The following SLC25A36 variants were observed in gnomAD, a reference collection of about 807,000 sequenced individuals.
SLC25A36 encodes the protein epididymis secretory sperm binding protein.
In SLC25A36, 24 loss-of-function variants were observed where a neutral mutation model predicts 35.3. The ratio of observed to expected loss-of-function variants is 0.68; its 90% CI spans 0.49 to 0.96. SLC25A36 has a LOEUF of 0.96. Among genes scored for constraint, SLC25A36 ranks in the 40% least tolerant of loss-of-function variants. The pLI is 0.00. For missense variants in SLC25A36, 294 were observed against 381.1 expected (o/e 0.77, Z 1.90); for synonymous variants, 141 against 132.2 (o/e 1.07, Z -0.46).
intron 1 of SLC25A36, among the ~76,000 whole-genome samples, chr3:140,947,823 A>G (rs1394896736): frequency 6.6e-6 from 1 of 152,238 alleles, no homozygotes; most frequent in African/African-American, 2.4e-5. Context: ...AAAAACTTGT[A>G]TTGCTTCTTG....
chr3:140,960,052 T>C (rs1267800461), intron 3 of SLC25A36, among the ~76,000 whole-genome samples: 1 of 152,158 alleles, frequency 6.6e-6, no homozygotes, highest in Non-Finnish European at 1.5e-5. Flanking sequence ...TATATATCTT[T>C]ATATTGCATA....
chr3:140,967,945 G>T, intron 4 of SLC25A36: 2 of 982,626 alleles, frequency 2.0e-6, no homozygotes, highest in Non-Finnish European at 2.4e-6. Context: ...GGCAAATTAT[G>T]AAAATGTCAC....
At chr3:140,974,162 A>AT (rs1206133109) in intron 6 of SLC25A36, among the ~76,000 whole-genome samples, 157 bp downstream of exon 6, 2 of 152,212 alleles carry the variant, frequency 1.3e-5, no homozygotes, top group Non-Finnish European at 2.9e-5. Context: ...TGTAGGCTGT[A>AT]TTAATAGGTC....
rs1043852421 is a variant in SLC25A36, at chr3:140,979,506, A to T, written c.*3053A>T. 6.6e-6 allele frequency: 1 copy of T among 152,108 alleles called. No homozygotes were observed. The highest frequency in any genetic ancestry group is 2.4e-5 in the African/African-American group (1 of 41,422). 9.4% of individuals were successfully genotyped at this position (152,108 alleles called of 1,614,324 possible). On this transcript the variant is annotated 3_prime_UTR_variant, in exon 7 of 7. Coordinates refer to ENST00000324194, the MANE Select transcript of SLC25A36 (RefSeq NM_001104647.3). ...TTCAGCCTTTTCTCCTCAAATATAT[A>T]ATGACTTTAACATTCCTAAGAATAT...
chr3:140,972,298 A>G (rs1323750278), intron 5 of SLC25A36, among the ~76,000 whole-genome samples: 1 of 152,138 alleles, frequency 6.6e-6, no homozygotes, highest in East Asian at 1.9e-4. Context: ...CACAATTCTT[A>G]GGCTTGTGGG....
intron 6 of SLC25A36, among the ~76,000 whole-genome samples, chr3:140,975,487 G>C (rs1935019015): frequency 6.6e-6 from 1 of 152,080 alleles, no homozygotes; most frequent in East Asian, 1.9e-4. Context: ...AATTGCTGTG[G>C]GTTGCTTTAG....
chr3:140,957,732 C>G (rs1934513348), intron 2 of SLC25A36, among the ~76,000 whole-genome samples: 1 of 152,050 alleles, frequency 6.6e-6, no homozygotes, highest in South Asian at 2.1e-4. Context: ...TACAGTGAGA[C>G]TCTGTCTCAG....
rs1056690982 is a variant in SLC25A36 at position 140,979,587 on chromosome 3, C to G, written c.*3134C>G. The G allele has an allele frequency of 1.3e-5, 2 of 152,160 alleles. No homozygotes were observed. The highest frequency in any genetic ancestry group is 4.8e-5 in the African/African-American group (2 of 41,450). The allele number at this position is 152,160 out of a possible 1,614,324, so 9.4% of individuals were successfully genotyped here. On this transcript the variant is annotated 3_prime_UTR_variant, in exon 7 of 7. Coordinates refer to ENST00000324194, the MANE Select transcript of SLC25A36 (RefSeq NM_001104647.3). ...ATTTTAATACATAAAATACAATGTA[C>G]AAACTTTCTGCCCACTCAGATCTCT...
At position 140,942,022 on chromosome 3, in the gene SLC25A36, G is replaced by A. The variant is rs1214787764; in HGVS notation, c.-33G>A. ...TAGCGGGCGGCCAGATCCGCGTCCC[G>A]CCTCAGCGGCCGGAGGACATGCGGG... On this transcript the variant is annotated 5_prime_UTR_variant, in exon 1 of 7. Transcript: ENST00000324194. 4 of 1,334,720 alleles carry A rather than the reference G, an allele frequency of 3.0e-6. No homozygotes were observed. Among genetic ancestry groups the A allele is most frequent in the Non-Finnish European group, 4.2e-6 (4 of 961,878 alleles). 82.7% of individuals were successfully genotyped at this position (1,334,720 alleles called of 1,614,324 possible).
rs962682314 is a variant in SLC25A36, at chr3:140,963,376, G to A, written c.385+149G>A. On this transcript the variant is annotated intron_variant, in intron 4 of 6. Coordinates refer to ENST00000324194, the MANE Select transcript of SLC25A36 (RefSeq NM_001104647.3). ...CGTTTATCGATATAAACCAAATTAG[G>A]TATATGTAAAATCTGTCATCAGTTG... 3 of 556,234 alleles carry A rather than the reference G, an allele frequency of 5.4e-6. No homozygotes were observed. In the Admixed American group the frequency reaches 1.1e-4, roughly 21 times the overall value. 34.5% of individuals were successfully genotyped at this position (556,234 alleles called of 1,614,324 possible).
intron 4 of SLC25A36, chr3:140,963,545 G>A (rs925337476): frequency 1.2e-5 from 2 of 170,638 alleles, no homozygotes; most frequent in African/African-American, 2.4e-5. Flanking sequence ...TTATGGAGCT[G>A]TAATTTACTC....
chr3:140,959,119 G>T (rs373954473), intron 2 of SLC25A36, among the ~76,000 whole-genome samples: 1 of 150,546 alleles, frequency 6.6e-6, no homozygotes, highest in Non-Finnish European at 1.5e-5. Flanking sequence ...AAATTCAAGC[G>T]ATTCTCCTAC....
chr3:140,944,909 ACT>A (rs1422141582), intron 1 of SLC25A36, among the ~76,000 whole-genome samples: 1 of 152,212 alleles, frequency 6.6e-6, no homozygotes, highest in Admixed American at 6.5e-5. Flanking sequence ...GAAGTAGAAT[ACT>A]TAAAAGTATA....
intron 1 of SLC25A36, among the ~76,000 whole-genome samples, chr3:140,948,247 G>C (rs573238493): frequency 6.6e-6 from 1 of 152,142 alleles, no homozygotes; most frequent in East Asian, 1.9e-4. Flanking sequence ...GAGCTACCAC[G>C]CCCAGCCCAG....
chr3:140,978,215 T>C lies in SLC25A36; in HGVS notation c.*1762T>C, dbSNP rs1935100752. ...AGGTGCTCAATTGGAATAAAAATATTCCAATCTATTTGGAGACCAAAGGCA... is the reference window on the plus strand; with the variant it reads ...AGGTGCTCAATTGGAATAAAAATATCCCAATCTATTTGGAGACCAAAGGCA... On this transcript the variant is annotated 3_prime_UTR_variant, in exon 7 of 7. Coordinates refer to ENST00000324194, the MANE Select transcript of SLC25A36 (RefSeq NM_001104647.3). 6.6e-6 allele frequency: 1 copy of C among 152,174 alleles called. No homozygotes were observed. The highest frequency in any genetic ancestry group is 1.9e-4 in the East Asian group (1 of 5,184). The allele number at this position is 152,174 out of a possible 1,614,324, so 9.4% of individuals were successfully genotyped here. A position where few individuals can be genotyped will look rare whatever the true frequency, so the allele number is the denominator to read the frequency against.
intron 6 of SLC25A36, among the ~76,000 whole-genome samples, chr3:140,974,578 C>A (rs1022961583): frequency 3.3e-5 from 5 of 151,958 alleles, no homozygotes; most frequent in Non-Finnish European, 7.4e-5. Flanking sequence ...CCTTTTATTT[C>A]TGTATTTAAA....
chr3:140,951,117 C>G (rs1023380516), intron 1 of SLC25A36, among the ~76,000 whole-genome samples: 1 of 152,130 alleles, frequency 6.6e-6, no homozygotes. Context: ...CCTCTGCAAG[C>G]CTTTCTTCCT....
chr3:140,980,293 C>T lies in SLC25A36; in HGVS notation c.*3840C>T, dbSNP rs1935152537. On this transcript the variant is annotated 3_prime_UTR_variant, in exon 7 of 7. Coordinates refer to ENST00000324194, the MANE Select transcript of SLC25A36 (RefSeq NM_001104647.3). ...ACTTGTTAGAATAACCAAATGAATCCACATAATGTTAGATCAAAATACAAA... is the reference window on the plus strand; with the variant it reads ...ACTTGTTAGAATAACCAAATGAATCTACATAATGTTAGATCAAAATACAAA... 6.6e-6 allele frequency among the ~76,000 whole-genome samples: 1 copy of T among 152,102 alleles called. No individual in the cohort carries two copies. The highest frequency in any genetic ancestry group is 2.1e-4 in the South Asian group (1 of 4,828).
intron 1 of SLC25A36, among the ~76,000 whole-genome samples, chr3:140,953,780 G>T (rs1934400904): frequency 1.3e-5 from 2 of 152,040 alleles, no homozygotes; most frequent in Non-Finnish European, 2.9e-5. Flanking sequence ...AACATAGCAA[G>T]ACCCTGTCTC....
Sources: gnomAD v4.1 joint callset for allele counts (sites outside exome capture counted in the v4.1 genomes callset) on GRCh38, gnomAD v4.1.1 for gene constraint, MANE v1.5 for transcripts, NCBI Gene and HGNC (gene_info 2026-07-23, HGNC 2026-07-21) for gene names.